TECTA: variants seen among roughly 807,000 people sequenced by gnomAD.
TECTA encodes the protein alpha-tectorin.
In TECTA, 128 loss-of-function variants were observed where a neutral mutation model predicts 216.8. The observed-to-expected ratio is 0.59, with a 90% CI of 0.51 to 0.68. TECTA has a LOEUF of 0.68. Among genes scored for constraint, TECTA ranks in the 30% least tolerant of loss-of-function variants. The pLI, the probability that TECTA is intolerant of heterozygous loss-of-function variation, is 0.00. For synonymous variants in TECTA, 1,089 were observed against 1,117.1 expected, an observed-to-expected ratio of 0.97 and a Z score of 0.50; for missense variants, 2,551 against 2,786.2, an observed-to-expected ratio of 0.92 and a Z score of 1.90.
chr11:121,179,651 A>C (rs939800686), intron 20 of TECTA, among the ~76,000 whole-genome samples: 1 of 152,114 alleles, frequency 6.6e-6, no homozygotes, highest in East Asian at 1.9e-4. Flanking sequence ...TTTGGAATTT[A>C]TCTCTCCCTT....
rs1201324399 is a variant in TECTA, at chr11:121,127,719, T to G, written c.1775-33T>G. On this transcript the variant is annotated intron_variant, in intron 8 of 23. Coordinates refer to ENST00000392793, the MANE Select transcript of TECTA (RefSeq NM_005422.4). This position sits in a 1 kb window ranked among gnomAD's most constrained non-coding sequence, Gnocchi z 5.0. ...GGTTAGCACTCCGGGTCCATTCACC[T>G]TGTTATCGGCTCTCTTCCTTTCCCC... The G allele has an allele frequency of 6.2e-7, 1 of 1,612,688 alleles. No individual in the cohort carries two copies. Among genetic ancestry groups the G allele is most frequent in the Admixed American group, 1.7e-5 (1 of 60,008 alleles).
At chr11:121,154,249 G>C (rs934236267) in intron 13 of TECTA, among the ~76,000 whole-genome samples, 1 of 152,188 alleles carries the variant, frequency 6.6e-6, no homozygotes, top group African/African-American at 2.4e-5. Flanking sequence ...CATTCAAGTT[G>C]CCCTAACTTC....
intron 10 of TECTA, among the ~76,000 whole-genome samples, chr11:121,133,781 A>C (rs1782313003): frequency 6.6e-6 from 1 of 152,124 alleles, no homozygotes; most frequent in South Asian, 2.1e-4. Context: ...GCCTCCCCTC[A>C]TTGGTGATGT....
At position 121,166,659 on chromosome 11, in the gene TECTA, A is replaced by G; in HGVS notation, c.5465A>G (p.Gln1822Arg). The change falls in exon 18 of 24, where the codon CAG becomes CGG. Residue 1822 changes from glutamine (Q) to arginine (R), a missense_variant. Physicochemically the swap from Gln to Arg is conservative, Grantham distance 43. Transcript: ENST00000392793. Reference protein sequence around the residue: ...EVSISKCKLFQLGFEREGVRI... With the variant: ...EVSISKCKLFRLGFEREGVRI... ...TCCATATCTAAGTGCAAGCTCTTCC[A>G]GCTCGGTTTTGAGAGGGAGGGCGTG... 6.2e-7 allele frequency: 1 copy of G among 1,614,238 alleles called. No homozygotes were observed. Among genetic ancestry groups the G allele is most frequent in the Non-Finnish European group, 8.5e-7 (1 of 1,180,048 alleles).
Position 121,113,581 on chromosome 11 carries a change from ATTTC to A in TECTA, c.656_659del (p.Phe219SerfsTer12), listed in dbSNP as rs1345514101. On this transcript the variant is annotated frameshift_variant, in exon 6 of 24. Coordinates refer to ENST00000392793, the MANE Select transcript of TECTA (RefSeq NM_005422.4). LOFTEE classifies it high-confidence loss of function. This position sits in a 1 kb window ranked among gnomAD's most constrained non-coding sequence, Gnocchi z 4.2. ...GGATTTAATGGTGGAAACCTCACCAATTTCTTCAGCCTCCCGGGGTCAAGAACCC... is the reference window on the plus strand; with the variant it reads ...GGATTTAATGGTGGAAACCTCACCAATTCAGCCTCCCGGGGTCAAGAACCC... 2.5e-6 allele frequency: 4 copies of A among 1,613,854 alleles called. No individual in the cohort carries two copies. The highest frequency in any genetic ancestry group is 3.4e-6 in the Non-Finnish European group (4 of 1,180,012).
chr11:121,175,486 A>G (rs1275693836), intron 20 of TECTA, among the ~76,000 whole-genome samples: 1 of 152,112 alleles, frequency 6.6e-6, no homozygotes, highest in Admixed American at 6.5e-5. Flanking sequence ...TTCAGTTTCC[A>G]TGTAATTGAG....
Position 121,158,102 on chromosome 11 carries a change from A to C in TECTA, c.4567A>C (p.Ile1523Leu). The C allele has an allele frequency of 6.2e-7, 1 of 1,614,150 alleles. No homozygotes were observed. Among genetic ancestry groups the C allele is most frequent in the Non-Finnish European group, 8.5e-7 (1 of 1,180,030 alleles). The change falls in exon 14 of 24, where the codon ATC becomes CTC. Residue 1523 changes from isoleucine to leucine, a missense_variant. Physicochemically the swap from Ile to Leu is conservative, Grantham distance 5 (BLOSUM62 2). Transcript: ENST00000392793. ...CACCATCTGCCAGAAACTGCCCGAC[A>C]TCTCCTTCCAGCTTATCATCAACTT... ...LSTICQKLPD[I>L]SFQLIINFDK...
chr11:121,176,799 C>G (rs936642127), intron 20 of TECTA, among the ~76,000 whole-genome samples: 25 of 152,106 alleles, frequency 1.6e-4, no homozygotes, highest in African/African-American at 6.0e-4. Context: ...CTCCCCATCA[C>G]TTTCAGGTAC....
chr11:121,188,278 C>A (rs188194325), intron 21 of TECTA, among the ~76,000 whole-genome samples: 1 of 152,188 alleles, frequency 6.6e-6, no homozygotes, highest in African/African-American at 2.4e-5. Context: ...TTGTGGAGGA[C>A]TGTTCTGTGC....
In TECTA at chr11:121,172,279, C is replaced by T. The variant is rs572916610; in HGVS notation, c.5999+3354C>T. ...TGTATACATGTGCCATGCTGGTGTG[C>T]TGCACCCATTAACTCGTCATTTAGC... On this transcript the variant is annotated intron_variant, in intron 20 of 23. Transcript: ENST00000392793. 9.1e-4 allele frequency among the ~76,000 whole-genome samples: 139 copies of T among 152,042 alleles called. 2 individuals carry two copies. The Middle Eastern group carries it at 0.014, about 15-fold the overall frequency.
Position 121,129,832 on chromosome 11 carries a change from C to T in TECTA, c.2562C>T (p.Ala854=), listed in dbSNP as rs1284967097. The T allele has an allele frequency of 1.2e-6, 2 of 1,614,208 alleles. No homozygotes were observed. The highest frequency in any genetic ancestry group is 1.1e-5 in the South Asian group (1 of 91,088). ...GGGGCTTGTGCGGCTTCTACAATGC[C>T]AACGCCAGTGACGAGTTCTGTCTCC... The part of the protein sequence containing the change: ...CTGGLCGFYN[A]NASDEFCLPN... The change falls in exon 10 of 24, where the codon GCC becomes GCT. Residue 854 remains alanine, a synonymous_variant. Transcript: ENST00000392793.
intron 20 of TECTA, among the ~76,000 whole-genome samples, chr11:121,182,599 G>A (rs957309396): frequency 1.3e-5 from 2 of 152,114 alleles, no homozygotes; most frequent in African/African-American, 4.8e-5. Context: ...CCAAGCCCCC[G>A]ATGGTGCATG....
At chr11:121,169,078 C>T (rs559405077) in intron 20 of TECTA, among the ~76,000 whole-genome samples, 153 bp downstream of exon 20, 5 of 152,284 alleles carry the variant, frequency 3.3e-5, no homozygotes, top group African/African-American at 1.2e-4. Flanking sequence ...TCAAGACAAC[C>T]TATGAGGTAG....
intron 4 of TECTA, 104 bp downstream of exon 4, chr11:121,109,602 A>G (rs1185431834): frequency 5.8e-6 from 8 of 1,381,758 alleles, no homozygotes; most frequent in Non-Finnish European, 8.1e-6. Context: ...AAGGAGTGTC[A>G]GTTCCCTTGA....
intron 4 of TECTA, among the ~76,000 whole-genome samples, chr11:121,111,484 G>A (rs1179596998): frequency 6.6e-6 from 1 of 152,202 alleles, no homozygotes; most frequent in East Asian, 1.9e-4. Flanking sequence ...TGTAGTGTGA[G>A]AATGTGTAAG....
chr11:121,154,450 T>C (rs1026440345), intron 13 of TECTA, among the ~76,000 whole-genome samples: 65 of 152,336 alleles, frequency 4.3e-4, no homozygotes, highest in African/African-American at 1.5e-3. Context: ...AGGCAGAACA[T>C]GTGGAAAAAA....
intron 20 of TECTA, among the ~76,000 whole-genome samples, chr11:121,179,285 T>A (rs939072957): frequency 2.3e-4 from 35 of 152,294 alleles, no homozygotes; most frequent in Middle Eastern, 3.4e-3. Flanking sequence ...AATTTATTCA[T>A]TGACCCAGTG....
chr11:121,153,537 C>T (rs913174787), intron 13 of TECTA, among the ~76,000 whole-genome samples: 11 of 152,130 alleles, frequency 7.2e-5, no homozygotes, highest in Non-Finnish European at 1.2e-4. Context: ...GGGCGGACTT[C>T]CCTCTTCTGT....
intron 18 of TECTA, 83 bp from the exon 19 acceptor site, chr11:121,167,971 C>T: frequency 1.3e-6 from 2 of 1,524,968 alleles, no homozygotes; most frequent in South Asian, 2.3e-5. Flanking sequence ...GCCATTTCTC[C>T]ACTTTCAGGG....
Sources: allele counts gnomAD v4.1 joint callset (sites outside exome capture counted in the v4.1 genomes callset), GRCh38; gene constraint gnomAD v4.1.1; non-coding constraint Gnocchi (gnomAD v3.1); transcripts MANE v1.5; gene names NCBI Gene and HGNC (gene_info 2026-07-23, HGNC 2026-07-21).